The following CORO1C variants were observed in gnomAD, a reference collection of about 807,000 sequenced individuals.
The protein encoded by CORO1C is coronin-1C.
Under a neutral mutation model 51.2 loss-of-function variants are expected in CORO1C, and 14 were observed. The ratio of observed to expected loss-of-function variants is 0.27; its 90% CI spans 0.18 to 0.43. CORO1C has a LOEUF of 0.43. Among genes scored for constraint, CORO1C ranks in the 20% least tolerant of loss-of-function variants. CORO1C has a pLI of 1.00. For synonymous variants in CORO1C, 181 were observed against 210.5 expected (o/e 0.86, Z 1.21); for missense variants, 417 against 607.8 (o/e 0.69, Z 3.30).
intron 1 of CORO1C, among the ~76,000 whole-genome samples, chr12:108,711,492 C>A (rs2136876642): frequency 6.6e-6 from 1 of 152,084 alleles, no homozygotes; most frequent in East Asian, 1.9e-4. Context: ...CCAGACTGGC[C>A]AACATGGCAA....
chr12:108,653,278 A>G (rs55980422), intron 7 of CORO1C, among the ~76,000 whole-genome samples: 3,618 of 152,294 alleles, frequency 0.024, 141 homozygotes, highest in African/African-American at 0.081. Flanking sequence ...GTAACTGCTC[A>G]TTTTGTTTGT....
chr12:108,674,320 G>A (rs182990951), intron 3 of CORO1C, among the ~76,000 whole-genome samples: 10 of 152,308 alleles, frequency 6.6e-5, no homozygotes, highest in East Asian at 5.8e-4. Flanking sequence ...AGGCCAAGGC[G>A]GGCGGATCGC....
At chr12:108,650,076 A>AAAGGTTTAT (rs2136792301) in intron 8 of CORO1C, among the ~76,000 whole-genome samples, 1 of 152,262 alleles carries the variant, frequency 6.6e-6, no homozygotes, top group Admixed American at 6.5e-5. Flanking sequence ...TCAGGGTGGT[A>AAAGGTTTAT]AAGGTTTATA....
chr12:108,705,225 T>C (rs1272662121), intron 1 of CORO1C, among the ~76,000 whole-genome samples: 1 of 152,014 alleles, frequency 6.6e-6, no homozygotes, highest in Non-Finnish European at 1.5e-5. Context: ...ACGCCTGTAA[T>C]CCCCACACTT....
chr12:108,659,028 GAGAGAGAA>G, intron 4 of CORO1C, 109 bp from the exon 5 acceptor site: 1 of 1,078,616 alleles, frequency 9.3e-7, no homozygotes, highest in Non-Finnish European at 1.3e-6. Context: ...CAGAGAGAGA[GAGAGAGAA>G]AGAGAGAGAG....
chr12:108,651,530 G>C (rs770255422), intron 8 of CORO1C, among the ~76,000 whole-genome samples: 5 of 152,120 alleles, frequency 3.3e-5, no homozygotes, highest in Non-Finnish European at 5.9e-5. Flanking sequence ...CTCTATTTTA[G>C]GACCAGTGGG....
chr12:108,676,732 A>G (rs1160916257), intron 3 of CORO1C, among the ~76,000 whole-genome samples: 1 of 150,400 alleles, frequency 6.6e-6, no homozygotes, highest in Non-Finnish European at 1.5e-5. Context: ...AGATCACGCC[A>G]TTATACTCCA....
At chr12:108,677,415 C>T (rs1195795384) in intron 3 of CORO1C, among the ~76,000 whole-genome samples, 1 of 152,196 alleles carries the variant, frequency 6.6e-6, no homozygotes, top group Admixed American at 6.5e-5. Context: ...TCACCTTTCA[C>T]GTTTTTTGTT....
chr12:108,715,458 G>A (rs2035302451), intron 1 of CORO1C, among the ~76,000 whole-genome samples: 1 of 152,092 alleles, frequency 6.6e-6, no homozygotes, highest in South Asian at 2.1e-4. Context: ...TTCTATTACA[G>A]AGATAATGTG....
chr12:108,665,649 T>C lies in CORO1C; in HGVS notation c.319-3491A>G, dbSNP rs999351439. Among the ~76,000 whole-genome samples the C allele has an allele frequency of 3.5e-4, 54 of 152,198 alleles. 1 individual carries two copies. The highest frequency in any genetic ancestry group is 4.1e-4 in the South Asian group (2 of 4,830). On this transcript the variant is annotated intron_variant, in intron 3 of 10. Coordinates refer to ENST00000261401, the MANE Select transcript of CORO1C (RefSeq NM_014325.4). ...CTGTGATGATCCTGGCAAACATCAC[T>C]GCATAGAGAAAACATTAGTACCTAT... is the stretch of plus-strand genomic sequence containing the variant.
chr12:108,702,849 C>T (rs183262931), intron 1 of CORO1C: 31 of 1,535,548 alleles, frequency 2.0e-5, no homozygotes, highest in Middle Eastern at 3.3e-4. Flanking sequence ...GGCATGTAGC[C>T]GGGCTGAAGT....
chr12:108,730,013 G>T (rs1326307988), intron 1 of CORO1C: 2 of 152,242 alleles, frequency 1.3e-5, no homozygotes, highest in African/African-American at 2.4e-5. Context: ...GCTGCGGTAA[G>T]AGGGCCTAAT....
At chr12:108,653,821 T>C (rs560366253) in intron 7 of CORO1C, among the ~76,000 whole-genome samples, 8 of 152,270 alleles carry the variant, frequency 5.3e-5, no homozygotes, top group Admixed American at 4.6e-4. Context: ...AAAGTTTGCA[T>C]CCACAAAGCA....
chr12:108,685,747 AGAG>A (rs1031393845), intron 2 of CORO1C, among the ~76,000 whole-genome samples: 5 of 152,322 alleles, frequency 3.3e-5, no homozygotes, highest in African/African-American at 1.2e-4. Flanking sequence ...TAAATAAAAC[AGAG>A]AAAGTAGTAT....
Position 108,645,963 on chromosome 12 carries a change from G to A in CORO1C, c.*1440C>T, listed in dbSNP as rs2032339407. 1 of 152,244 alleles carries A rather than the reference G, an allele frequency of 6.6e-6. No homozygotes were observed. Among genetic ancestry groups the A allele is most frequent in the Non-Finnish European group, 1.5e-5 (1 of 68,050 alleles). 9.4% of individuals were successfully genotyped at this position (152,244 alleles called of 1,614,324 possible). On this transcript the variant is annotated 3_prime_UTR_variant, in exon 11 of 11. Coordinates refer to ENST00000261401, the MANE Select transcript of CORO1C (RefSeq NM_014325.4). ...GGAATGAACAGGTGACCAGAGCTCA[G>A]TCTCTGGCCCCCTCCGAGTCCGGGG...
chr12:108,687,407 A>C (rs542320949), intron 2 of CORO1C, among the ~76,000 whole-genome samples: 1 of 152,242 alleles, frequency 6.6e-6, no homozygotes, highest in South Asian at 2.1e-4. Flanking sequence ...GGATCACCTG[A>C]GCCCAGGAGG....
At chr12:108,676,876 A>T (rs1044286654) in intron 3 of CORO1C, among the ~76,000 whole-genome samples, 5 of 152,206 alleles carry the variant, frequency 3.3e-5, no homozygotes, top group Admixed American at 3.3e-4. Context: ...AGGCACATTA[A>T]ACAGAACAAT....
intron 3 of CORO1C, 72 bp downstream of exon 3, chr12:108,678,192 ACACACACC>A: frequency 7.4e-7 from 1 of 1,348,078 alleles, no homozygotes; most frequent in Non-Finnish European, 1.0e-6. Context: ...CTATACATAC[ACACACACC>A]CACACACATG....
intron 3 of CORO1C, among the ~76,000 whole-genome samples, chr12:108,670,238 T>A (rs1227748113): frequency 6.6e-6 from 1 of 152,126 alleles, no homozygotes; most frequent in African/African-American, 2.4e-5. Flanking sequence ...CTCGGGTGTG[T>A]GTGGGAAGGG....
Sources: gnomAD v4.1 joint callset for allele counts (sites outside exome capture counted in the v4.1 genomes callset) on GRCh38, gnomAD v4.1.1 for gene constraint, MANE v1.5 for transcripts, NCBI Gene and HGNC (gene_info 2026-07-23, HGNC 2026-07-21) for gene names.